The following MORC3 variants were observed in gnomAD, a reference collection of about 807,000 sequenced individuals.
MORC3 encodes the protein MORC family CW-type zinc finger 3.
A neutral mutation model predicts 109.1 loss-of-function variants in MORC3; 31 were observed. That is an observed-to-expected ratio of 0.28 (90% confidence interval 0.21 to 0.38). The LOEUF is 0.38. Ranked by LOEUF, MORC3 falls within the 10% of genes least tolerant of loss-of-function variation. The probability of loss-of-function intolerance (pLI) is 1.00; values close to 1 mark genes in which losing one functional copy is unlikely to be tolerated. For missense variants in MORC3, 867 were observed against 1,135.8 expected (o/e 0.76, Z 3.40); for synonymous variants, 395 against 380.7 (o/e 1.04, Z -0.44).
chr21:36,356,815 G>C, intron 10 of MORC3, 91 bp downstream of exon 10: 1 of 736,468 alleles, frequency 1.4e-6, no homozygotes, highest in Non-Finnish European at 2.1e-6. Context: ...CACAAACTTA[G>C]GACTGTAACT....
rs1170025373 is a variant in MORC3, at chr21:36,364,143, T to C, written c.1503T>C (p.Phe501=). ...FRPTALSTPS[F]SSPKESVPRR... is the part of the protein sequence containing the mutation. ...CAACTGCTCTTTCAACTCCAAGCTT[T>C]TCTTCTCCTAAGGAAAGTGTTCCAA... Residue 501 remains phenylalanine, a synonymous_variant, in exon 14 of 17, where the codon TTT becomes TTC. Coordinates refer to ENST00000400485, the MANE Select transcript of MORC3 (RefSeq NM_015358.3). The C allele has an allele frequency of 1.9e-6, 3 of 1,614,190 alleles. No homozygotes were observed. In the East Asian group the frequency reaches 6.7e-5, roughly 36 times the overall value.
chr21:36,364,350 T>C (rs558993474), intron 14 of MORC3, 91 bp downstream of exon 14: 10 of 1,348,792 alleles, frequency 7.4e-6, no homozygotes, highest in South Asian at 3.8e-5. Context: ...TCGGGATCAT[T>C]GTAGGTTCCA....
chr21:36,325,961 C>T (rs896998232), intron 1 of MORC3, among the ~76,000 whole-genome samples: 2 of 152,180 alleles, frequency 1.3e-5, no homozygotes, highest in African/African-American at 4.8e-5. Flanking sequence ...CGCCTCAGCA[C>T]TTTGGGAGGC....
chr21:36,323,959 C>T (rs1195030608), intron 1 of MORC3, among the ~76,000 whole-genome samples: 1 of 151,628 alleles, frequency 6.6e-6, no homozygotes, highest in Non-Finnish European at 1.5e-5. Flanking sequence ...CACCGCAACC[C>T]CTGCCTCCCG....
At chr21:36,333,158 G>A (rs1237841483) in intron 1 of MORC3, among the ~76,000 whole-genome samples, 1 of 152,196 alleles carries the variant, frequency 6.6e-6, no homozygotes, top group Non-Finnish European at 1.5e-5. Flanking sequence ...TACAAGTTCA[G>A]CTATAATGAA....
rs757972446 is a variant in MORC3, at chr21:36,333,768, T to G, written c.112+50T>G. The G allele has an allele frequency of 1.3e-4, 112 of 838,858 alleles. 1 individual carries two copies. The highest frequency in any genetic ancestry group is 2.8e-4 in the Middle Eastern group (1 of 3,604). 52.0% of individuals were successfully genotyped at this position (838,858 alleles called of 1,614,324 possible). ...CCATTTGTTGCTTACAATTGTAGTG[T>G]TTTTTTTTTTGTTTTGTTTTGTTTT... On this transcript the variant is annotated intron_variant, in intron 2 of 16. Transcript: ENST00000400485.
intron 3 of MORC3, among the ~76,000 whole-genome samples, chr21:36,337,506 C>T (rs1029749712): frequency 3.3e-5 from 5 of 151,886 alleles, no homozygotes; most frequent in Non-Finnish European, 5.9e-5. Context: ...GAAAACACGT[C>T]AAGATAGATT....
chr21:36,337,914 T>C lies in MORC3; in HGVS notation c.428T>C (p.Val143Ala). The C allele has an allele frequency of 1.2e-6, 2 of 1,614,198 alleles. No individual in the cohort carries two copies. Among genetic ancestry groups the C allele is most frequent in the Non-Finnish European group, 1.7e-6 (2 of 1,180,034 alleles). The change falls in exon 4 of 17, where the codon GTT (valine) becomes GCT (alanine). Residue 143 changes from valine (V) to alanine (A), a missense_variant. Physicochemically the swap from Val to Ala is moderately conservative, Grantham distance 64 (BLOSUM62 0). This residue lies in a region of MORC3 where 134 missense variants were observed against 166.6 expected (regional missense o/e 0.80). Coordinates refer to ENST00000400485, the MANE Select transcript of MORC3 (RefSeq NM_015358.3). ...TYLEVIKAEH[V>A]VVPIVAFNKH... The stretch of plus-strand genomic sequence containing the variant: ...TTGGAAGTCATAAAAGCGGAGCATG[T>C]TGTTGTTCCAATAGTGGCATTCAAC...
chr21:36,343,531 C>T lies in MORC3; in HGVS notation c.757-1048C>T, dbSNP rs1373014537. Among the ~76,000 whole-genome samples the T allele has an allele frequency of 4.0e-5, 6 of 151,380 alleles. No individual in the cohort carries two copies. The East Asian group carries it at 9.7e-4, about 24-fold the overall frequency. ...TGGCGTGATCTCGGCTCACCACAAC[C>T]TCCGGCTCCTGGGTTCAAGCGATTC... On this transcript the variant is annotated intron_variant, in intron 6 of 16. Transcript: ENST00000400485.
chr21:36,333,862 A>C (rs1481885530), intron 2 of MORC3, 144 bp downstream of exon 2: 1 of 651,714 alleles, frequency 1.5e-6, no homozygotes, highest in Non-Finnish European at 2.6e-6. Flanking sequence ...GGCTCACTGC[A>C]AGCTCTGCCT....
intron 1 of MORC3, among the ~76,000 whole-genome samples, chr21:36,331,153 A>T (rs1192934857): frequency 6.6e-6 from 1 of 152,234 alleles, no homozygotes; most frequent in African/African-American, 2.4e-5. Context: ...CTTGATCTAC[A>T]GTCTAATCAT....
intron 5 of MORC3, among the ~76,000 whole-genome samples, chr21:36,341,194 G>C (rs944503870): frequency 6.6e-6 from 1 of 152,230 alleles, no homozygotes; most frequent in East Asian, 1.9e-4. Context: ...TTTCCTACCA[G>C]CAGTGTATGA....
chr21:36,356,538 G>A (rs1387578321), intron 9 of MORC3, 82 bp from the exon 10 acceptor site: 1 of 764,522 alleles, frequency 1.3e-6, no homozygotes, highest in African/African-American at 1.8e-5. Context: ...TCTCTTCACA[G>A]TGTCTATGTA....
chr21:36,374,368 G>A (rs1305312645), intron 16 of MORC3, among the ~76,000 whole-genome samples: 3 of 152,096 alleles, frequency 2.0e-5, no homozygotes, highest in African/African-American at 7.2e-5. Flanking sequence ...TGGGATTACA[G>A]GCGTGAACCT....
chr21:36,340,124 A>G (rs1344897511), intron 5 of MORC3, among the ~76,000 whole-genome samples: 1 of 152,076 alleles, frequency 6.6e-6, no homozygotes, highest in Non-Finnish European at 1.5e-5. Context: ...TAAAATTACA[A>G]AAAATTAGCT....
At chr21:36,357,723 T>C (rs943701748) in intron 10 of MORC3, among the ~76,000 whole-genome samples, 7 of 151,100 alleles carry the variant, frequency 4.6e-5, no homozygotes, top group Non-Finnish European at 8.8e-5. Context: ...GTTTGGTTGG[T>C]TGGTTGGGTT....
chr21:36,343,520 C>T (rs1197237043), intron 6 of MORC3, among the ~76,000 whole-genome samples: 1 of 149,860 alleles, frequency 6.7e-6, no homozygotes, highest in African/African-American at 2.5e-5. Context: ...GTGATCTCGG[C>T]TCACCACAAC....
At chr21:36,328,342 C>CCCCCCT (rs2085273657) in intron 1 of MORC3, among the ~76,000 whole-genome samples, 1 of 130,054 alleles carries the variant, frequency 7.7e-6, no homozygotes, top group African/African-American at 2.8e-5. Flanking sequence ...CCCCCCCCGC[C>CCCCCCT]TTTTTTTTTT....
intron 5 of MORC3, 111 bp downstream of exon 5, chr21:36,339,032 A>G: frequency 8.0e-7 from 1 of 1,248,244 alleles, no homozygotes; most frequent in South Asian, 1.7e-5. Flanking sequence ...AAAGGTACTC[A>G]TTTTTTGGTG....
Sources: gnomAD v4.1 joint callset for allele counts (sites outside exome capture counted in the v4.1 genomes callset) on GRCh38, gnomAD v4.1.1 for gene constraint, gnomAD v4.1.1 regional missense constraint, MANE v1.5 for transcripts, NCBI Gene and HGNC (gene_info 2026-07-23, HGNC 2026-07-21) for gene names.